The following SPATA21 variants were observed in gnomAD, a reference collection of about 807,000 sequenced individuals.
SPATA21 encodes spermatogenesis associated 21.
In SPATA21, 47 loss-of-function variants were observed where a neutral mutation model predicts 54.8. That is an observed-to-expected ratio of 0.86 (90% confidence interval 0.68 to 1.09). SPATA21 has a LOEUF of 1.09. Among genes scored for constraint, SPATA21 ranks in the 50% least tolerant of loss-of-function variants. The pLI, the probability that SPATA21 is intolerant of heterozygous loss-of-function variation, is 0.00. For missense variants in SPATA21, 599 were observed against 596.4 expected (o/e 1.00, Z -0.05); for synonymous variants, 245 against 235.3 (o/e 1.04, Z -0.38).
chr1:16,421,008 C>T lies in SPATA21; in HGVS notation c.144+501G>A, dbSNP rs116216662. ...GCCAGGGTGGGGTTTTGCCAATGAA[C>T]AGAACAGGATGAGACAGGGCAGATG... On this transcript the variant is annotated intron_variant, in intron 5 of 12. Transcript: ENST00000335496. The surrounding 1 kb of genome is among the most constrained non-coding windows in gnomAD (Gnocchi z 5.2). Among the ~76,000 whole-genome samples, 1,315 of 152,142 alleles carry T rather than the reference C, an allele frequency of 8.6e-3. 6 individuals are homozygous for T. The highest frequency in any genetic ancestry group is 0.017 in the South Asian group (83 of 4,812).
intron 5 of SPATA21, among the ~76,000 whole-genome samples, chr1:16,410,451 C>A (rs543526799): frequency 1.3e-5 from 2 of 151,760 alleles, no homozygotes; most frequent in South Asian, 4.2e-4. Flanking sequence ...TGCTCTGTTG[C>A]CCAGGCTGGA....
rs1361901950 is a variant in SPATA21, at chr1:16,404,862, C to T, written c.811+105G>A. On this transcript the variant is annotated intron_variant, in intron 8 of 12. Transcript: ENST00000335496. ...AGACTGTGACAGTAGAGCATTAAAC[C>T]AAGCACAGGATCCTTTAGGTGCAGA... 3.9e-6 allele frequency: 5 copies of T among 1,296,474 alleles called. No individual in the cohort carries two copies. In the African/African-American group the frequency reaches 7.6e-5, roughly 20 times the overall value. 80.3% of individuals were successfully genotyped at this position (1,296,474 alleles called of 1,614,324 possible).
In SPATA21 at chr1:16,410,006, C is replaced by A; in HGVS notation, c.182G>T (p.Arg61Leu). 2 of 1,581,668 alleles carry A rather than the reference C, an allele frequency of 1.3e-6. No individual in the cohort carries two copies. The change falls in exon 6 of 13, where the codon CGT (arginine) becomes CTT (leucine). Residue 61 changes from arginine (R) to leucine (L), a missense_variant. Physicochemically the swap from Arg to Leu is moderately radical, Grantham distance 102. Transcript: ENST00000335496. ...RDIGERREPD[R>L]AQQQPQKPAV... ...GGGCTTCTGAGGCTGCTGCTGCGCA[C>A]GGTCTGGCTCCCGCCTCTCTCCAAT...
intron 3 of SPATA21, chr1:16,425,412 G>A (rs772979833): frequency 9.8e-6 from 12 of 1,222,874 alleles, no homozygotes; most frequent in Non-Finnish European, 1.4e-5. Flanking sequence ...CTCCCAAGTA[G>A]CTGGGACTAC....
At position 16,409,459 on chromosome 1, in the gene SPATA21, G is replaced by C. The variant is rs563078644; in HGVS notation, c.587+142C>G. Reference sequence around the variant, plus strand: ...AGGAGGCAGAGACATGGGAGATGCGGAGAGGAGACACATGAGGAGAAATGG... The same window carrying C: ...AGGAGGCAGAGACATGGGAGATGCGCAGAGGAGACACATGAGGAGAAATGG... On this transcript the variant is annotated intron_variant, in intron 6 of 12. Coordinates refer to ENST00000335496, the MANE Select transcript of SPATA21 (RefSeq NM_198546.1). This position sits in a 1 kb window ranked among gnomAD's most constrained non-coding sequence, Gnocchi z 4.1. The C allele has an allele frequency of 5.0e-4, 474 of 949,680 alleles. 3 individuals are homozygous for C. The African/African-American group carries it at 7.2e-3, about 14-fold the overall frequency. The allele number at this position is 949,680 out of a possible 1,614,324, so 58.8% of individuals were successfully genotyped here. A position where few individuals can be genotyped will look rare whatever the true frequency, so the allele number is the denominator to read the frequency against.
intron 3 of SPATA21, 80 bp from the exon 4 acceptor site, chr1:16,422,051 C>T: frequency 6.2e-7 from 1 of 1,610,462 alleles, no homozygotes; most frequent in Non-Finnish European, 8.5e-7. Flanking sequence ...CTGGCGGAGC[C>T]TCCTGTGGCC....
chr1:16,409,348 G>T lies in SPATA21; in HGVS notation c.588-145C>A, dbSNP rs754750560. 7.6e-6 allele frequency: 7 copies of T among 925,496 alleles called. No homozygotes were observed. Among genetic ancestry groups the T allele is most frequent in the Non-Finnish European group, 9.8e-6 (6 of 614,024 alleles). The allele number at this position is 925,496 out of a possible 1,614,324, so 57.3% of individuals were successfully genotyped here. A position where few individuals can be genotyped will look rare whatever the true frequency, so the allele number is the denominator to read the frequency against. ...AGAGATCAAGAATGGCAGGAAAAAGGAGATCCAGAGGAGAAGTGGGACAGA... is the reference window on the plus strand; with the variant it reads ...AGAGATCAAGAATGGCAGGAAAAAGTAGATCCAGAGGAGAAGTGGGACAGA... On this transcript the variant is annotated intron_variant, in intron 6 of 12. Coordinates refer to ENST00000335496, the MANE Select transcript of SPATA21 (RefSeq NM_198546.1). The surrounding 1 kb of genome is among the most constrained non-coding windows in gnomAD (Gnocchi z 4.1).
chr1:16,408,915 C>T (rs2085736865), intron 7 of SPATA21, among the ~76,000 whole-genome samples: 1 of 150,992 alleles, frequency 6.6e-6, no homozygotes, highest in African/African-American at 2.4e-5. Flanking sequence ...CTGGCCCCCC[C>T]AACCCAGCAG....
Position 16,424,285 on chromosome 1 carries a change from C to T in SPATA21, c.35-2314G>A, listed in dbSNP as rs376026102. Reference sequence around the variant, plus strand: ...CCGAGATTGCGCCACTGCACTCCAGCCTGGGCGACAGAGCAAGACTGTCTC... The same window carrying T: ...CCGAGATTGCGCCACTGCACTCCAGTCTGGGCGACAGAGCAAGACTGTCTC... On this transcript the variant is annotated intron_variant, in intron 3 of 12. Coordinates refer to ENST00000335496, the MANE Select transcript of SPATA21 (RefSeq NM_198546.1). Among the ~76,000 whole-genome samples, 643 of 128,720 alleles carry T rather than the reference C, an allele frequency of 5.0e-3. 8 individuals are homozygous for T. Among genetic ancestry groups the T allele is most frequent in the African/African-American group, 0.018 (607 of 33,460 alleles). 84.4% of individuals were successfully genotyped at this position (128,720 alleles called of 152,430 possible).
In SPATA21 at chr1:16,421,364, A is replaced by T; in HGVS notation, c.144+145T>A. The T allele has an allele frequency of 1.3e-6, 1 of 778,956 alleles. No individual in the cohort carries two copies. The highest frequency in any genetic ancestry group is 1.7e-5 in the African/African-American group (1 of 57,244). 48.3% of individuals were successfully genotyped at this position (778,956 alleles called of 1,614,324 possible). On this transcript the variant is annotated intron_variant, in intron 5 of 12. Transcript: ENST00000335496. The surrounding 1 kb of genome is among the most constrained non-coding windows in gnomAD (Gnocchi z 5.2). ...ACGTGTGCACATCCATGTGCACTTT[A>T]ACACACAGCCACACACACCTTCCTT...
At chr1:16,410,464 G>T (rs2085808153) in intron 5 of SPATA21, among the ~76,000 whole-genome samples, 1 of 151,540 alleles carries the variant, frequency 6.6e-6, no homozygotes, top group Non-Finnish European at 1.5e-5. Flanking sequence ...AGGCTGGAGT[G>T]CAGTGGTGTG....
intron 5 of SPATA21, among the ~76,000 whole-genome samples, chr1:16,416,101 G>T (rs2100841227): frequency 6.6e-6 from 1 of 152,320 alleles, no homozygotes; most frequent in East Asian, 1.9e-4. Context: ...CCCCGAGCCT[G>T]CAGGGGCTCC....
rs1428872057 is a variant in SPATA21, at chr1:16,406,255, A to T, written c.674-1151T>A. Reference sequence around the variant, plus strand: ...CTGCCTCAGCCTCCCAAAGTGCTGGAGTTACAGGCATGAGCCGCTGCGCCC... The same window carrying T: ...CTGCCTCAGCCTCCCAAAGTGCTGGTGTTACAGGCATGAGCCGCTGCGCCC... On this transcript the variant is annotated intron_variant, in intron 7 of 12. Coordinates refer to ENST00000335496, the MANE Select transcript of SPATA21 (RefSeq NM_198546.1). Among the ~76,000 whole-genome samples the T allele has an allele frequency of 3.9e-5, 6 of 151,946 alleles. No homozygotes were observed. The East Asian group carries it at 1.2e-3, about 29-fold the overall frequency.
In SPATA21 at chr1:16,433,480, C is replaced by T. The variant is rs188626753; in HGVS notation, c.-186-556G>A. Among the ~76,000 whole-genome samples the T allele has an allele frequency of 1.7e-3, 252 of 152,336 alleles. 2 individuals carry two copies. The highest frequency in any genetic ancestry group is 4.0e-3 in the African/African-American group (167 of 41,574). Reference sequence around the variant, plus strand: ...TCATTAGGGTTCCCCTAGCCATTCCCGCTTCCTCTGAGTCTTCCTGTCTCA... The same window carrying T: ...TCATTAGGGTTCCCCTAGCCATTCCTGCTTCCTCTGAGTCTTCCTGTCTCA... On this transcript the variant is annotated intron_variant, in intron 1 of 12. Transcript: ENST00000335496.
At position 16,405,216 on chromosome 1, in the gene SPATA21, A is replaced by G. The variant is rs2085593681; in HGVS notation, c.674-112T>C. 2.1e-6 allele frequency: 3 copies of G among 1,455,382 alleles called. No homozygotes were observed. The Admixed American group carries it at 8.1e-5, about 39-fold the overall frequency. The allele number at this position is 1,455,382 out of a possible 1,614,324, so 90.2% of individuals were successfully genotyped here. ...TCCTCCACCATCAAAAGTGAAAATA[A>G]AATTGCTGGGTGCGTTGGCTCACAC... On this transcript the variant is annotated intron_variant, in intron 7 of 12. Coordinates refer to ENST00000335496, the MANE Select transcript of SPATA21 (RefSeq NM_198546.1).
rs371873792 is a variant in SPATA21 at position 16,437,176 on chromosome 1, C to T, written c.-235G>A. On this transcript the variant is annotated 5_prime_UTR_variant, in exon 1 of 13. Coordinates refer to ENST00000335496, the MANE Select transcript of SPATA21 (RefSeq NM_198546.1). Reference sequence around the variant, plus strand: ...AGTGAGATTTTCCACCCCTGCTCACCGCCTTGCACATAGGATGGGCTCTGT... The same window carrying T: ...AGTGAGATTTTCCACCCCTGCTCACTGCCTTGCACATAGGATGGGCTCTGT... The T allele has an allele frequency of 1.3e-5, 2 of 152,286 alleles. No homozygotes were observed. Among genetic ancestry groups the T allele is most frequent in the African/African-American group, 2.4e-5 (1 of 41,440 alleles). 9.4% of individuals were successfully genotyped at this position (152,286 alleles called of 1,614,324 possible). A position where few individuals can be genotyped will look rare whatever the true frequency, so the allele number is the denominator to read the frequency against.
chr1:16,425,470 ACCT>A, intron 3 of SPATA21: 1 of 1,517,890 alleles, frequency 6.6e-7, no homozygotes, highest in South Asian at 1.2e-5. Context: ...GGGCTCTTTC[ACCT>A]CCTCTGTGGT....
chr1:16,436,985 G>T (rs1442234342), intron 1 of SPATA21, 143 bp downstream of exon 1: 1 of 152,166 alleles, frequency 6.6e-6, no homozygotes, highest in African/African-American at 2.4e-5. Flanking sequence ...TTCCTCATCT[G>T]AAAAATGGGA....
At chr1:16,425,440 T>TG in intron 3 of SPATA21, 1 of 1,404,508 alleles carries the variant, frequency 7.1e-7, no homozygotes, top group Non-Finnish European at 9.7e-7. Context: ...TGCACCAGAA[T>TG]GGGGGGCATG....
Sources: allele counts gnomAD v4.1 joint callset (sites outside exome capture counted in the v4.1 genomes callset), GRCh38; gene constraint gnomAD v4.1.1; non-coding constraint Gnocchi (gnomAD v3.1); transcripts MANE v1.5; gene names NCBI Gene and HGNC (gene_info 2026-07-23, HGNC 2026-07-21).